Variants in KLF8 observed in about 807,000 individuals in gnomAD.
KLF8 encodes the protein Krueppel-like factor 8.
Under a neutral mutation model 18.2 loss-of-function variants are expected in KLF8, and 10 were observed. That is an observed-to-expected ratio of 0.55 (90% confidence interval 0.34 to 0.93). KLF8 has a LOEUF of 0.93. Among genes scored for constraint, KLF8 ranks in the 40% least tolerant of loss-of-function variants. The pLI is 0.02. For missense variants in KLF8, 264 were observed against 277.9 expected (o/e 0.95, Z 0.36); for synonymous variants, 109 against 97.3 (o/e 1.12, Z -0.71).
chrX:56,274,580 T>A (rs1338155068), intron 5 of KLF8, among the ~76,000 whole-genome samples: 2 of 112,303 alleles, frequency 1.8e-5, no homozygotes, highest in Non-Finnish European at 3.8e-5. Flanking sequence ...GCTCAACAAA[T>A]CTTTGCCCAG....
At chrX:55,976,362 G>A in the KLF8 span, among the ~76,000 whole-genome samples, 1 of 110,568 alleles carries the variant, frequency 9.0e-6, no homozygotes, top group Non-Finnish European at 1.9e-5. Flanking sequence ...ACTCAATATC[G>A]TCCCATTTCC....
chrX:55,991,310 C>G, the KLF8 span, among the ~76,000 whole-genome samples: 2 of 112,213 alleles, frequency 1.8e-5, no homozygotes, highest in South Asian at 7.4e-4. Context: ...AAGCCACGTG[C>G]GGGATATAAT....
chrX:56,178,041 G>T, the KLF8 span, among the ~76,000 whole-genome samples: 1 of 111,953 alleles, frequency 8.9e-6, no homozygotes, highest in Non-Finnish European at 1.9e-5. Flanking sequence ...CTGACCCCTT[G>T]TGCTTCCCAG....
upstream of KLF8, among the ~76,000 whole-genome samples, chrX:56,229,844 A>G (rs994105373): frequency 8.9e-6 from 1 of 112,070 alleles, no homozygotes; most frequent in Non-Finnish European, 1.9e-5. Context: ...TTCTTGATAA[A>G]GCACAGGTGC....
At chrX:56,206,163 A>G in the KLF8 span, among the ~76,000 whole-genome samples, 1 of 111,295 alleles carries the variant, frequency 9.0e-6, no homozygotes, top group African/African-American at 3.3e-5. Flanking sequence ...CCCTTGACAC[A>G]TGGGGATTAT....
the KLF8 span, among the ~76,000 whole-genome samples, chrX:56,100,271 C>A: frequency 9.0e-6 from 1 of 110,728 alleles, no homozygotes; most frequent in Non-Finnish European, 1.9e-5. Flanking sequence ...TATTTTAAGC[C>A]CACAATTGAG....
the KLF8 span, among the ~76,000 whole-genome samples, chrX:56,089,059 T>A: frequency 6.3e-5 from 7 of 111,582 alleles, no homozygotes; most frequent in South Asian, 1.1e-3. Flanking sequence ...CCTCTAGTAA[T>A]GTATTACTTA....
chrX:56,122,509 C>T, the KLF8 span, among the ~76,000 whole-genome samples: 2 of 111,433 alleles, frequency 1.8e-5, no homozygotes, highest in African/African-American at 6.5e-5. Flanking sequence ...TACAAACCTA[C>T]TTTAAGGAGA....
At chrX:56,133,403 A>G in the KLF8 span, among the ~76,000 whole-genome samples, 1 of 112,155 alleles carries the variant, frequency 8.9e-6, no homozygotes, top group African/African-American at 3.2e-5. Context: ...AAACAGAATT[A>G]AAAACAAAAA....
At chrX:55,991,827 T>G in the KLF8 span, among the ~76,000 whole-genome samples, 22 of 112,757 alleles carry the variant, frequency 2.0e-4, 1 homozygote, top group African/African-American at 7.1e-4. Context: ...CTTATTGTGG[T>G]TTTGATTTTC....
At chrX:55,978,423 G>C in the KLF8 span, among the ~76,000 whole-genome samples, 1 of 111,773 alleles carries the variant, frequency 8.9e-6, no homozygotes, top group African/African-American at 3.3e-5. Context: ...GTGTATACTC[G>C]TTATTTTCTT....
At chrX:56,123,309 G>GAAAGAAAGAAAGAAAGA in the KLF8 span, among the ~76,000 whole-genome samples, 258 of 108,151 alleles carry the variant, frequency 2.4e-3, 2 homozygotes, top group African/African-American at 9.0e-3. Flanking sequence ...GAGAAAGAAA[G>GAAAGAAAGAAAGAAAGA]AAAGAAAAGA....
the KLF8 span, among the ~76,000 whole-genome samples, chrX:56,094,452 A>T: frequency 9.0e-6 from 1 of 111,179 alleles, no homozygotes. Flanking sequence ...CACAGTGCCA[A>T]AATATAGGAG....
At chrX:56,099,684 T>A in the KLF8 span, among the ~76,000 whole-genome samples, 1 of 110,841 alleles carries the variant, frequency 9.0e-6, no homozygotes, top group African/African-American at 3.3e-5. Flanking sequence ...TGATATGGAG[T>A]TTTATTGTCT....
the KLF8 span, among the ~76,000 whole-genome samples, chrX:56,114,027 G>C: frequency 1.8e-5 from 2 of 111,867 alleles, no homozygotes; most frequent in Non-Finnish European, 3.8e-5. Flanking sequence ...CTGTCCCAGG[G>C]GGATCATAGT....
the KLF8 span, among the ~76,000 whole-genome samples, chrX:56,150,312 T>A: frequency 1.8e-5 from 2 of 111,592 alleles, no homozygotes; most frequent in South Asian, 3.8e-4. Context: ...GAAAAGTAGA[T>A]GTTTTTCTCC....
the KLF8 span, among the ~76,000 whole-genome samples, chrX:56,103,265 G>A: frequency 1.8e-5 from 2 of 110,925 alleles, no homozygotes; most frequent in Admixed American, 9.6e-5. Flanking sequence ...TTGGTAGCTT[G>A]ATGGGGATAG....
chrX:56,147,453 C>T, the KLF8 span, among the ~76,000 whole-genome samples: 1 of 110,922 alleles, frequency 9.0e-6, no homozygotes, highest in Non-Finnish European at 1.9e-5. Flanking sequence ...TGTGCAAAAA[C>T]AAAAAACAAA....
At chrX:56,125,071 A>T in the KLF8 span, among the ~76,000 whole-genome samples, 109 of 112,008 alleles carry the variant, frequency 9.7e-4, no homozygotes, top group East Asian at 0.029. Flanking sequence ...CCTTCATTAC[A>T]TTAGTATGGA....
Sources: allele counts gnomAD v4.1 joint callset (sites outside exome capture counted in the v4.1 genomes callset), GRCh38; gene constraint gnomAD v4.1.1; transcripts MANE v1.5; gene names NCBI Gene and HGNC (gene_info 2026-07-23, HGNC 2026-07-21).